Variants in BOD1 observed in about 807,000 individuals in gnomAD.
BOD1 encodes biorientation of chromosomes in cell division protein 1.
A neutral mutation model predicts 15.7 loss-of-function variants in BOD1; 11 were observed. That is an observed-to-expected ratio of 0.70 (90% CI 0.44 to 1.16). BOD1 has a LOEUF of 1.16. BOD1 is among the 50% of genes most tolerant of loss of function. The probability of loss-of-function intolerance (pLI) is 0.00; values close to 1 mark genes in which losing one functional copy is unlikely to be tolerated. For missense variants in BOD1, 182 were observed against 244.5 expected (o/e 0.74, Z 1.70); for synonymous variants, 105 against 103.5 (o/e 1.01, Z -0.09).
chr5:173,612,594 G>A (rs1483905406), intron 2 of BOD1, among the ~76,000 whole-genome samples: 1 of 152,114 alleles, frequency 6.6e-6, no homozygotes, highest in African/African-American at 2.4e-5. Flanking sequence ...ACTTTTGTGC[G>A]TCACTCAGAT....
rs542663224 is a variant in BOD1, at chr5:173,608,361, C to T, written c.*2-69G>A. The T allele has an allele frequency of 7.8e-5, 94 of 1,201,530 alleles. 1 individual carries two copies. In the African/African-American group the frequency reaches 1.4e-3, roughly 18 times the overall value. 74.4% of individuals were successfully genotyped at this position (1,201,530 alleles called of 1,614,324 possible). A position where few individuals can be genotyped will look rare whatever the true frequency, so the allele number is the denominator to read the frequency against. On this transcript the variant is annotated intron_variant, in intron 3 of 3. Coordinates refer to ENST00000311086, the MANE Select transcript of BOD1 (RefSeq NM_138369.3). ...ACAGACTATATTCACTTTTATGTTC[C>T]TAAAGGAATTTACAATTAAAAAGAA...
intron 1 of BOD1, among the ~76,000 whole-genome samples, chr5:173,615,427 G>GGT (rs1755467933): frequency 6.6e-6 from 1 of 152,236 alleles, no homozygotes; most frequent in African/African-American, 2.4e-5. Flanking sequence ...GCTCTGGTAG[G>GGT]AGAAATCACT....
rs768751082 is a variant in BOD1, at chr5:173,616,314, C to A, written c.123G>T (p.Pro41=). 1.3e-6 allele frequency: 2 copies of A among 1,537,156 alleles called. No individual in the cohort carries two copies. Among genetic ancestry groups the A allele is most frequent in the African/African-American group, 2.8e-5 (2 of 72,214 alleles). Residue 41 remains proline (P), a synonymous_variant, in exon 1 of 4, where the codon CCG becomes CCT. Transcript: ENST00000311086. ...GCGGGTCGCCGGGAGGCAGCGAGGCCGGGTTGATGGGGCCACCGCCCCCGC... is the reference window on the plus strand; with the variant it reads ...GCGGGTCGCCGGGAGGCAGCGAGGCAGGGTTGATGGGGCCACCGCCCCCGC... ...GASGGGGPIN[P]ASLPPGDPQL... is the part of the protein sequence containing the mutation.
At chr5:173,609,206 C>T in intron 3 of BOD1, 32 bp downstream of exon 3, 1 of 1,384,064 alleles carries the variant, frequency 7.2e-7, no homozygotes, top group East Asian at 2.3e-5. Context: ...GCCAGAGATG[C>T]ATACTCCTGG....
rs72822197 is a variant in BOD1, at chr5:173,609,391, C to T, written c.406G>A (p.Val136Met). Reference sequence around the variant, plus strand: ...ATGTGGTTAAGTTTTGGATCCACCACCTGAGAAATAATCCTGTCTACTCCA... The same window carrying T: ...ATGTGGTTAAGTTTTGGATCCACCATCTGAGAAATAATCCTGTCTACTCCA... Reference protein sequence around the residue: ...EAGVDRIISQVVDPKLNHIFR... With the variant: ...EAGVDRIISQMVDPKLNHIFR... Residue 136 changes from valine to methionine, a missense_variant, in exon 3 of 4, where the codon GTG becomes ATG. By Grantham distance (21) the Val-to-Met change is conservative. Transcript: ENST00000311086. 0.11 allele frequency: 158,226 copies of T among 1,494,856 alleles called. No homozygotes were observed. The highest frequency in any genetic ancestry group is 0.24 in the African/African-American group (14,440 of 60,226). 92.6% of individuals were successfully genotyped at this position (1,494,856 alleles called of 1,614,324 possible). A position where few individuals can be genotyped will look rare whatever the true frequency, so the allele number is the denominator to read the frequency against.
chr5:173,610,354 G>A (rs1436765509), intron 2 of BOD1, among the ~76,000 whole-genome samples: 4 of 152,216 alleles, frequency 2.6e-5, no homozygotes, highest in Admixed American at 1.3e-4. Context: ...GTCTGTCAGG[G>A]TACAGCAAAG....
In BOD1 at chr5:173,608,221, G is replaced by C. The variant is rs746760868; in HGVS notation, c.*73C>G. On this transcript the variant is annotated 3_prime_UTR_variant, in exon 4 of 4. Coordinates refer to ENST00000311086, the MANE Select transcript of BOD1 (RefSeq NM_138369.3). The stretch of plus-strand genomic sequence containing the variant: ...GACGACCTTGGCCTATCTTCAGTCT[G>C]AAGTTGCACTCTTATGTAACCGAAT... 84 of 1,580,094 alleles carry C rather than the reference G, an allele frequency of 5.3e-5. 2 individuals carry two copies. The East Asian group carries it at 1.8e-3, about 34-fold the overall frequency.
At chr5:173,612,228 C>A (rs1039998069) in intron 2 of BOD1, among the ~76,000 whole-genome samples, 5 of 152,240 alleles carry the variant, frequency 3.3e-5, no homozygotes, top group African/African-American at 1.2e-4. Flanking sequence ...TGCATATTCA[C>A]AGGAAGTTGT....
At chr5:173,608,356 T>A in intron 3 of BOD1, 64 bp from the exon 4 acceptor site, 1 of 1,264,176 alleles carries the variant, frequency 7.9e-7, no homozygotes, top group Admixed American at 1.8e-5. Flanking sequence ...TTCACTTTTA[T>A]GTTCCTAAAG....
chr5:173,612,532 C>A (rs1755382105), intron 2 of BOD1, among the ~76,000 whole-genome samples: 1 of 152,210 alleles, frequency 6.6e-6, no homozygotes, highest in South Asian at 2.1e-4. Context: ...CCATCCGTAA[C>A]CCCAGGCAAT....
At position 173,616,569 on chromosome 5, in the gene BOD1, TGGCGGCAGGGGCGGTGGTGGGGGCGGC is replaced by T. The variant is rs1755513066; in HGVS notation, c.-160_-134del. 2.2e-6 allele frequency: 3 copies of T among 1,376,646 alleles called. No homozygotes were observed. In the Admixed American group the frequency reaches 1.1e-4, roughly 51 times the overall value. 85.3% of individuals were successfully genotyped at this position (1,376,646 alleles called of 1,614,324 possible). ...AAGGCGGCAGCGGCGGAGGTGGCGA[TGGCGGCAGGGGCGGTGGTGGGGGCGGC>T]GGCGGCGAAGGCCCCCTCTGATACA... On this transcript the variant is annotated 5_prime_UTR_variant, in exon 1 of 4. Coordinates refer to ENST00000311086, the MANE Select transcript of BOD1 (RefSeq NM_138369.3).
In BOD1 at chr5:173,616,538, G is replaced by C. The variant is rs945139263; in HGVS notation, c.-102C>G. Reference sequence around the variant, plus strand: ...GGTGAAGGGGGCGGTGAAGGAGGAGGGCCCCAAGGCGGCAGCGGCGGAGGT... The same window carrying C: ...GGTGAAGGGGGCGGTGAAGGAGGAGCGCCCCAAGGCGGCAGCGGCGGAGGT... On this transcript the variant is annotated 5_prime_UTR_variant, in exon 1 of 4. Coordinates refer to ENST00000311086, the MANE Select transcript of BOD1 (RefSeq NM_138369.3). 2.1e-6 allele frequency: 3 copies of C among 1,416,578 alleles called. No individual in the cohort carries two copies. The African/African-American group carries it at 4.5e-5, about 21-fold the overall frequency. The allele number at this position is 1,416,578 out of a possible 1,614,324, so 87.8% of individuals were successfully genotyped here. A position where few individuals can be genotyped will look rare whatever the true frequency, so the allele number is the denominator to read the frequency against.
At position 173,615,620 on chromosome 5, in the gene BOD1, T is replaced by C. The variant is rs550876564; in HGVS notation, c.237+580A>G. On this transcript the variant is annotated intron_variant, in intron 1 of 3. Coordinates refer to ENST00000311086, the MANE Select transcript of BOD1 (RefSeq NM_138369.3). The stretch of plus-strand genomic sequence containing the variant: ...GTAAAGTGAAATAGCGTTTTACTGG[T>C]GGGACTGACCAATGGCATTAGGATC... Among the ~76,000 whole-genome samples the C allele has an allele frequency of 9.5e-4, 145 of 152,352 alleles. 1 individual carries two copies. Among genetic ancestry groups the C allele is most frequent in the Middle Eastern group, 6.8e-3 (2 of 294 alleles).
intron 2 of BOD1, among the ~76,000 whole-genome samples, chr5:173,611,429 T>C (rs1269972261): frequency 6.6e-6 from 1 of 152,004 alleles, no homozygotes; most frequent in Non-Finnish European, 1.5e-5. Context: ...AGATTTTGCC[T>C]CAAATTCAAA....
At chr5:173,611,904 A>T (rs1005482250) in intron 2 of BOD1, among the ~76,000 whole-genome samples, 1 of 152,260 alleles carries the variant, frequency 6.6e-6, no homozygotes, top group African/African-American at 2.4e-5. Context: ...GATTTACTCA[A>T]GACAGGGTAA....
At position 173,616,308 on chromosome 5, in the gene BOD1, C is replaced by G; in HGVS notation, c.129G>C (p.Ser43=). Residue 43 remains serine, a synonymous_variant, in exon 1 of 4, where the codon TCG becomes TCC. Transcript: ENST00000311086. ...SGGGGPINPA[S]LPPGDPQLIA... is the part of the protein sequence containing the mutation. ...TGAGCTGCGGGTCGCCGGGAGGCAGCGAGGCCGGGTTGATGGGGCCACCGC... is the reference window on the plus strand; with the variant it reads ...TGAGCTGCGGGTCGCCGGGAGGCAGGGAGGCCGGGTTGATGGGGCCACCGC... 1 of 1,539,126 alleles carries G rather than the reference C, an allele frequency of 6.5e-7. No individual in the cohort carries two copies. Among genetic ancestry groups the G allele is most frequent in the Non-Finnish European group, 8.7e-7 (1 of 1,146,416 alleles).
chr5:173,610,896 G>A (rs182480677), intron 2 of BOD1, among the ~76,000 whole-genome samples: 180 of 152,278 alleles, frequency 1.2e-3, no homozygotes, highest in East Asian at 9.3e-3. Context: ...GGAAGTTAGC[G>A]AGCTCTCTTT....
At chr5:173,611,710 ATC>A (rs1423533038) in intron 2 of BOD1, among the ~76,000 whole-genome samples, 1 of 152,230 alleles carries the variant, frequency 6.6e-6, no homozygotes, top group African/African-American at 2.4e-5. Context: ...TGTTCTAATT[ATC>A]TGTTTCACTG....
chr5:173,609,756 C>A (rs1421260503), intron 2 of BOD1: 1 of 267,570 alleles, frequency 3.7e-6, no homozygotes, highest in Non-Finnish European at 7.2e-6. Flanking sequence ...GAGTTTGACA[C>A]GTGTGGCACT....
Sources: gnomAD v4.1 joint callset for allele counts (sites outside exome capture counted in the v4.1 genomes callset) on GRCh38, gnomAD v4.1.1 for gene constraint, MANE v1.5 for transcripts, NCBI Gene and HGNC (gene_info 2026-07-23, HGNC 2026-07-21) for gene names.